TTC39A: variants seen among roughly 807,000 people sequenced by gnomAD.
TTC39A encodes tetratricopeptide repeat protein 39A.
Under a neutral mutation model 82.3 loss-of-function variants are expected in TTC39A, and 46 were observed. The ratio of observed to expected loss-of-function variants is 0.56; its 90% CI spans 0.44 to 0.71. TTC39A has a LOEUF of 0.71. TTC39A is among the 30% of genes least tolerant of loss of function. TTC39A has a pLI of 0.00. For synonymous variants in TTC39A, 254 were observed against 275.2 expected (o/e 0.92, Z 0.76); for missense variants, 543 against 712.9 (o/e 0.76, Z 2.71).
chr1:51,288,796 T>A lies in TTC39A; in HGVS notation c.1610+43A>T. The A allele has an allele frequency of 6.5e-7, 1 of 1,544,688 alleles. No individual in the cohort carries two copies. Among genetic ancestry groups the A allele is most frequent in the Non-Finnish European group, 8.8e-7 (1 of 1,138,064 alleles). ...GTCCCCAGCCAGCTCCTGAGCTGAG[T>A]TCAGAGGGAGCAAAGGACAGACTGA... On this transcript the variant is annotated intron_variant, in intron 17 of 17. Transcript: ENST00000680483. This position sits in a 1 kb window ranked among gnomAD's most constrained non-coding sequence, Gnocchi z 4.8.
upstream of TTC39A, chr1:51,331,532 G>A (rs999151095): frequency 4.1e-6 from 4 of 985,322 alleles, no homozygotes; most frequent in East Asian, 4.5e-4. Context: ...GTCAGAAGAG[G>A]AAGCAGAAGG....
intron 14 of TTC39A, among the ~76,000 whole-genome samples, chr1:51,292,748 T>C (rs1351750203): frequency 1.3e-5 from 2 of 152,068 alleles, no homozygotes; most frequent in Admixed American, 6.6e-5. Context: ...GTTTCATTTT[T>C]TAAAAAAGGA....
chr1:51,302,119 C>T, intron 11 of TTC39A: 1 of 725,144 alleles, frequency 1.4e-6, no homozygotes, highest in Non-Finnish European at 2.5e-6. Flanking sequence ...TGCAATGCTG[C>T]AGTCCTATAT....
At chr1:51,322,080 G>T (rs146025159) in intron 1 of TTC39A, 19 of 1,547,140 alleles carry the variant, frequency 1.2e-5, no homozygotes, top group East Asian at 4.9e-5. Flanking sequence ...GGGGCCAAGG[G>T]CAAGGTGCAA....
At chr1:51,328,923 C>G (rs552440543) in intron 1 of TTC39A, among the ~76,000 whole-genome samples, 2 of 152,160 alleles carry the variant, frequency 1.3e-5, no homozygotes, top group African/African-American at 4.8e-5. Context: ...CTGCTGCGTG[C>G]GGCCCTCCTC....
chr1:51,321,608 G>T lies in TTC39A; in HGVS notation c.146+113C>A. 1 of 954,420 alleles carries T rather than the reference G, an allele frequency of 1.0e-6. No individual in the cohort carries two copies. Among genetic ancestry groups the T allele is most frequent in the Non-Finnish European group, 1.6e-6 (1 of 619,532 alleles). 59.1% of individuals were successfully genotyped at this position (954,420 alleles called of 1,614,324 possible). ...TTTATGGGACTTCTCAGAGGTCCTG[G>T]TGACCCAGAAAGCCAAAGGCATTTA... On this transcript the variant is annotated intron_variant, in intron 2 of 17. Transcript: ENST00000680483. The surrounding 1 kb of genome is among the most constrained non-coding windows in gnomAD (Gnocchi z 4.6).
At chr1:51,309,883 G>A (rs558049820) in intron 5 of TTC39A, among the ~76,000 whole-genome samples, 1 of 152,206 alleles carries the variant, frequency 6.6e-6, no homozygotes, top group East Asian at 1.9e-4. Flanking sequence ...GGTGAAGAAA[G>A]CAAGCAACAT....
At position 51,312,136 on chromosome 1, in the gene TTC39A, A is replaced by C; in HGVS notation, c.338T>G (p.Leu113Arg). Residue 113 changes from leucine (L) to arginine (R), a missense_variant, in exon 4 of 18, where the codon CTG (leucine) becomes CGG (arginine). Physicochemically the swap from Leu to Arg is moderately radical, Grantham distance 102. Coordinates refer to ENST00000680483, the MANE Select transcript of TTC39A (RefSeq NM_001297663.2). ...TGCCACACCTTCAGTGAATTGGCCCAGCGTGGGGCGGTTCACCAGGCTGCT... is the reference window on the plus strand; with the variant it reads ...TGCCACACCTTCAGTGAATTGGCCCCGCGTGGGGCGGTTCACCAGGCTGCT... ...SFSSLVNRPT[L>R]GQFTEEEIHA... is the part of the protein sequence containing the mutation. The C allele has an allele frequency of 1.2e-6, 2 of 1,611,762 alleles. No individual in the cohort carries two copies. Among genetic ancestry groups the C allele is most frequent in the Non-Finnish European group, 1.7e-6 (2 of 1,179,074 alleles).
Position 51,287,949 on chromosome 1 carries a change from C to T in TTC39A, c.*208G>A. ...GTGTGATAGGGCAGGCAGAGGGCTC[C>T]ACCTGCTCTGCCCTTGGCAAAGGCC... On this transcript the variant is annotated 3_prime_UTR_variant, in exon 18 of 18. Coordinates refer to ENST00000680483, the MANE Select transcript of TTC39A (RefSeq NM_001297663.2). The T allele has an allele frequency of 1.5e-6, 1 of 671,850 alleles. No individual in the cohort carries two copies. The highest frequency in any genetic ancestry group is 2.4e-6 in the Non-Finnish European group (1 of 415,772). 41.6% of individuals were successfully genotyped at this position (671,850 alleles called of 1,614,324 possible).
At chr1:51,293,453 C>T (rs1012761567) in intron 14 of TTC39A, among the ~76,000 whole-genome samples, 17 of 152,208 alleles carry the variant, frequency 1.1e-4, no homozygotes, top group African/African-American at 3.4e-4. Flanking sequence ...AAATATTGAC[C>T]GTTTCAATTT....
chr1:51,343,763 A>C (rs1431396053), intron 1 of TTC39A, among the ~76,000 whole-genome samples: 1 of 152,112 alleles, frequency 6.6e-6, no homozygotes, highest in Non-Finnish European at 1.5e-5. Flanking sequence ...GAGCCATGGA[A>C]GGGTTTTATT....
chr1:51,341,718 C>A (rs74080545), intron 1 of TTC39A, among the ~76,000 whole-genome samples: 9,108 of 151,718 alleles, frequency 0.06, 875 homozygotes, highest in African/African-American at 0.2. Flanking sequence ...CACACACACA[C>A]AAAAAAAACC....
chr1:51,333,056 T>C (rs967917865), upstream of TTC39A, among the ~76,000 whole-genome samples: 4 of 151,630 alleles, frequency 2.6e-5, no homozygotes, highest in South Asian at 2.1e-4. Flanking sequence ...CTACTAAAAA[T>C]ACAAAATTAG....
chr1:51,345,066 G>C (rs776243368), exon 1 of TTC39A: 317 of 1,354,190 alleles, frequency 2.3e-4, no homozygotes, highest in Non-Finnish European at 2.6e-4. Flanking sequence ...GGCTCGGACG[G>C]GGCCGCGGGC....
chr1:51,289,929 G>T, intron 16 of TTC39A, 76 bp downstream of exon 16: 1 of 1,254,878 alleles, frequency 8.0e-7, no homozygotes, highest in African/African-American at 1.5e-5. Flanking sequence ...ACTGCAGTGG[G>T]CATGAGGATG....
chr1:51,317,857 G>A (rs894847669), intron 2 of TTC39A, among the ~76,000 whole-genome samples: 1 of 152,226 alleles, frequency 6.6e-6, no homozygotes, highest in Non-Finnish European at 1.5e-5. Flanking sequence ...GAGATAACAG[G>A]TGGCCCCATG....
At chr1:51,307,263 T>A (rs1165733597) in intron 6 of TTC39A, among the ~76,000 whole-genome samples, 5 of 152,168 alleles carry the variant, frequency 3.3e-5, no homozygotes, top group African/African-American at 1.2e-4. Flanking sequence ...TTCTGGCAGC[T>A]GGTAGGGAGG....
chr1:51,340,491 A>G (rs1211709261), intron 1 of TTC39A, among the ~76,000 whole-genome samples: 1 of 152,178 alleles, frequency 6.6e-6, no homozygotes, highest in Admixed American at 6.5e-5. Flanking sequence ...CAGTGGTCAC[A>G]TTTGCTAAAT....
chr1:51,288,025 T>C lies in TTC39A; in HGVS notation c.*132A>G, dbSNP rs1264923238. ...GCTCGGCTTCTGCACGGATACACTA[T>C]GTTGTGCCATCCAACTGGAGTGCCG... On this transcript the variant is annotated 3_prime_UTR_variant, in exon 18 of 18. Coordinates refer to ENST00000680483, the MANE Select transcript of TTC39A (RefSeq NM_001297663.2). This position sits in a 1 kb window ranked among gnomAD's most constrained non-coding sequence, Gnocchi z 4.8. The C allele has an allele frequency of 7.2e-7, 1 of 1,380,384 alleles. No individual in the cohort carries two copies. Among genetic ancestry groups the C allele is most frequent in the African/African-American group, 1.4e-5 (1 of 69,534 alleles). 85.5% of individuals were successfully genotyped at this position (1,380,384 alleles called of 1,614,324 possible).
Sources: allele counts gnomAD v4.1 joint callset (sites outside exome capture counted in the v4.1 genomes callset), GRCh38; gene constraint gnomAD v4.1.1; non-coding constraint Gnocchi (gnomAD v3.1); transcripts MANE v1.5; gene names NCBI Gene and HGNC (gene_info 2026-07-23, HGNC 2026-07-21).